The following ASH1L variants were observed in gnomAD, a reference collection of about 807,000 sequenced individuals.
The protein encoded by ASH1L is histone-lysine N-methyltransferase ASH1L.
ASH1L carries 23 observed loss-of-function variants against 269.0 expected under a neutral mutation model. The observed-to-expected ratio is 0.09, with a 90% CI of 0.06 to 0.12. The LOEUF (loss-of-function observed/expected upper bound fraction) is 0.12, where lower values mean the gene tolerates loss of function less well. ASH1L is among the 10% of genes least tolerant of loss of function. The pLI, the probability that ASH1L is intolerant of heterozygous loss-of-function variation, is 1.00. For missense variants in ASH1L, 2,912 were observed against 3,567.8 expected (o/e 0.82, Z 4.68); for synonymous variants, 1,187 against 1,253.5 (o/e 0.95, Z 1.12).
intron 2 of ASH1L, among the ~76,000 whole-genome samples, chr1:155,519,279 T>C (rs1455576799): frequency 6.6e-6 from 1 of 151,540 alleles, no homozygotes; most frequent in Non-Finnish European, 1.5e-5. Context: ...TACTAAAAAA[T>C]ACAAAAATTA....
chr1:155,343,804 T>A lies in ASH1L; in HGVS notation c.7982-62A>T. The A allele has an allele frequency of 2.5e-6, 4 of 1,577,594 alleles. No individual in the cohort carries two copies. The highest frequency in any genetic ancestry group is 2.3e-5 in the South Asian group (2 of 87,556). The stretch of plus-strand genomic sequence containing the variant: ...ATTCTTGTATGAATTCTGTTAGGCA[T>A]CTGTTTATCTGACTCAGGGTCTACA... On this transcript the variant is annotated intron_variant, in intron 22 of 27. Coordinates refer to ENST00000392403, the MANE Select transcript of ASH1L (RefSeq NM_018489.3). This position sits in a 1 kb window ranked among gnomAD's most constrained non-coding sequence, Gnocchi z 6.1.
intron 2 of ASH1L, among the ~76,000 whole-genome samples, chr1:155,498,620 T>C (rs1570989915): frequency 6.6e-6 from 1 of 152,228 alleles, no homozygotes; most frequent in East Asian, 1.9e-4. Context: ...TTTGTAGTTT[T>C]AGTCGAGATG....
chr1:155,362,770 G>C (rs996476709), intron 12 of ASH1L, among the ~76,000 whole-genome samples: 3 of 152,136 alleles, frequency 2.0e-5, no homozygotes, highest in Non-Finnish European at 4.4e-5. Context: ...ACGCCTCAGA[G>C]TTTGTTTAGT....
At chr1:155,461,220 C>G (rs545499543) in intron 3 of ASH1L, among the ~76,000 whole-genome samples, 2 of 152,196 alleles carry the variant, frequency 1.3e-5, no homozygotes, top group Non-Finnish European at 2.9e-5. Flanking sequence ...CTGAATGGAG[C>G]TAAGTTGCTG....
At chr1:155,413,672 C>G (rs1490824546) in intron 6 of ASH1L, among the ~76,000 whole-genome samples, 2 of 152,052 alleles carry the variant, frequency 1.3e-5, no homozygotes, top group Non-Finnish European at 2.9e-5. Context: ...TCTTTTCTGT[C>G]TGTAACAAAC....
intron 3 of ASH1L, among the ~76,000 whole-genome samples, chr1:155,467,878 C>T (rs12067371): frequency 0.36 from 54,601 of 151,914 alleles, 10,871 homozygotes; most frequent in East Asian, 0.72. Context: ...GGAATAAATT[C>T]AGATTTACAT....
At chr1:155,503,061 T>C (rs530685917) in intron 2 of ASH1L, among the ~76,000 whole-genome samples, 86 of 152,330 alleles carry the variant, frequency 5.6e-4, no homozygotes, top group Admixed American at 1.3e-3. Flanking sequence ...CAGCAATCTT[T>C]TGGAGCCCCC....
At chr1:155,378,427 G>C (rs1431606543) in intron 9 of ASH1L, 38 bp from the exon 10 acceptor site, 1 of 1,608,956 alleles carries the variant, frequency 6.2e-7, no homozygotes, top group Non-Finnish European at 8.5e-7. Flanking sequence ...TGAACATACA[G>C]GATAATTTTT....
At chr1:155,476,453 G>A (rs1665557742) in intron 3 of ASH1L, among the ~76,000 whole-genome samples, 1 of 151,962 alleles carries the variant, frequency 6.6e-6, no homozygotes, top group African/African-American at 2.4e-5. Flanking sequence ...TCTCCACTAA[G>A]TTTTAATTTT....
intron 3 of ASH1L, among the ~76,000 whole-genome samples, chr1:155,471,188 C>T (rs1372239690): frequency 2.0e-5 from 3 of 152,124 alleles, no homozygotes; most frequent in Non-Finnish European, 4.4e-5. Context: ...AGATAGAGAA[C>T]AATTAACAAA....
chr1:155,376,080 G>C (rs1422507798), intron 10 of ASH1L, among the ~76,000 whole-genome samples: 2 of 152,168 alleles, frequency 1.3e-5, no homozygotes, highest in Non-Finnish European at 2.9e-5. Flanking sequence ...CTCCAGCCTG[G>C]GCAACAGAGT....
At chr1:155,441,287 C>T (rs1474244596) in intron 4 of ASH1L, among the ~76,000 whole-genome samples, 4 of 151,752 alleles carry the variant, frequency 2.6e-5, no homozygotes, top group Non-Finnish European at 5.9e-5. Flanking sequence ...CTGTCTCTCT[C>T]TCTATCTCCA....
At chr1:155,555,496 C>CAAAAAAA (rs57151613) in intron 1 of ASH1L, among the ~76,000 whole-genome samples, 1 of 55,094 alleles carries the variant, frequency 1.8e-5, no homozygotes, top group African/African-American at 6.5e-5. Flanking sequence ...GACTCTGTCT[C>CAAAAAAA]AAAAAAAAAA....
In ASH1L at chr1:155,510,141, C is replaced by T. The variant is rs1008876024; in HGVS notation, c.420+10959G>A. Among the ~76,000 whole-genome samples, 9 of 152,032 alleles carry T rather than the reference C, an allele frequency of 5.9e-5. No individual in the cohort carries two copies. The East Asian group carries it at 1.2e-3, about 20-fold the overall frequency. Reference sequence around the variant, plus strand: ...TGGAAAAAGAAAATTATATGCTGGGCGCAGCGGCTCGTGCCTATAATCCCA... The same window carrying T: ...TGGAAAAAGAAAATTATATGCTGGGTGCAGCGGCTCGTGCCTATAATCCCA... On this transcript the variant is annotated intron_variant, in intron 2 of 27. Coordinates refer to ENST00000392403, the MANE Select transcript of ASH1L (RefSeq NM_018489.3).
Position 155,352,811 on chromosome 1 carries a change from G to C in ASH1L, c.7261C>G (p.Arg2421Gly), listed in dbSNP as rs1178051389. The change falls in exon 17 of 28, where the codon CGA becomes GGA. Residue 2421 changes from arginine (R) to glycine (G), a missense_variant. By Grantham distance (125) the Arg-to-Gly change is moderately radical. Around this residue, in one of 13 missense-constraint regions of ASH1L, gnomAD observed 309 missense variants for 435.1 expected, o/e 0.71. Transcript: ENST00000392403. Reference sequence around the variant, plus strand: ...TCTGCAGCTGCCAACCGTCTTGTTCGAACAGATCGAGCTGTCTGCAGGGCA... The same window carrying C: ...TCTGCAGCTGCCAACCGTCTTGTTCCAACAGATCGAGCTGTCTGCAGGGCA... ...FSALQTARSV[R>G]TRRLAAAEEN... 1.9e-6 allele frequency: 3 copies of C among 1,613,946 alleles called. No homozygotes were observed. Among genetic ancestry groups the C allele is most frequent in the Non-Finnish European group, 2.5e-6 (3 of 1,180,024 alleles).
intron 1 of ASH1L, among the ~76,000 whole-genome samples, chr1:155,544,415 T>G (rs2148895532): frequency 6.6e-6 from 1 of 151,618 alleles, no homozygotes; most frequent in East Asian, 1.9e-4. Flanking sequence ...GCCTCCCGAG[T>G]AGCTGGAACT....
At chr1:155,465,510 A>T (rs1010586825) in intron 3 of ASH1L, among the ~76,000 whole-genome samples, 2 of 152,152 alleles carry the variant, frequency 1.3e-5, no homozygotes, top group Non-Finnish European at 2.9e-5. Context: ...TCTTTGGGTG[A>T]ATTACAGAAA....
chr1:155,478,677 A>G lies in ASH1L; in HGVS notation c.4193T>C (p.Leu1398Ser). 6.2e-7 allele frequency: 1 copy of G among 1,613,988 alleles called. No homozygotes were observed. Among genetic ancestry groups the G allele is most frequent in the Non-Finnish European group, 8.5e-7 (1 of 1,179,938 alleles). The change falls in exon 3 of 28, where the codon TTA becomes TCA. Residue 1398 changes from leucine to serine, a missense_variant. This residue lies in a region of ASH1L where 789 missense variants were observed against 897.6 expected (regional missense o/e 0.88). Coordinates refer to ENST00000392403, the MANE Select transcript of ASH1L (RefSeq NM_018489.3). This position sits in a 1 kb window ranked among gnomAD's most constrained non-coding sequence, Gnocchi z 4.6. ...PSPLTAAPIG[L>S]GYYGRYPPTL... ...GGGAGGATACCTTCCATAGTAACCT[A>G]ATCCTATGGGAGCAGCTGTAAGGGG... is the stretch of plus-strand genomic sequence containing the variant.
chr1:155,367,337 A>G (rs1357898293), intron 12 of ASH1L, among the ~76,000 whole-genome samples: 1 of 152,192 alleles, frequency 6.6e-6, no homozygotes, highest in Admixed American at 6.6e-5. Context: ...TGTTGCTAAT[A>G]TATTAAAATG....
Sources: gnomAD v4.1 joint callset for allele counts (sites outside exome capture counted in the v4.1 genomes callset) on GRCh38, gnomAD v4.1.1 for gene constraint, gnomAD v4.1.1 regional missense constraint, Gnocchi (gnomAD v3.1) non-coding constraint, MANE v1.5 for transcripts, NCBI Gene and HGNC (gene_info 2026-07-23, HGNC 2026-07-21) for gene names.